Variants in DMD observed in about 807,000 individuals in gnomAD.
DMD encodes mutant dystrophin.
DMD carries 63 observed loss-of-function variants against 330.1 expected under a neutral mutation model. The observed-to-expected ratio is 0.19, with a 90% CI of 0.16 to 0.24. The LOEUF (loss-of-function observed/expected upper bound fraction) is 0.24. DMD is among the 10% of genes least tolerant of loss of function. DMD has a pLI of 1.00. For missense variants in DMD, 3,344 were observed against 2,684.1 expected (o/e 1.25, Z -5.43); for synonymous variants, 1,223 against 959.8 (o/e 1.27, Z -5.07).
At chrX:31,170,648 C>T (rs1049937007) in intron 73 of DMD, among the ~76,000 whole-genome samples, 1 of 111,403 alleles carries the variant, frequency 9.0e-6, no homozygotes, top group Non-Finnish European at 1.9e-5. Flanking sequence ...AAGCCAGTTA[C>T]CTGGTTTAGA....
At chrX:32,633,414 T>C (rs1167967888) in intron 11 of DMD, among the ~76,000 whole-genome samples, 1 of 112,148 alleles carries the variant, frequency 8.9e-6, no homozygotes, top group African/African-American at 3.2e-5. Context: ...ACTGTGCATA[T>C]CAGTATCAGC....
rs771884775 is a variant in DMD at position 32,468,675 on chromosome X, G to A, written c.2985C>T (p.Gly995=). The change falls in exon 23 of 79, where the codon GGC becomes GGT. Residue 995 remains glycine, a synonymous_variant. Transcript: ENST00000357033. ...LQSSLQEQQS[G]LYYLSTTVKE... is the part of the protein sequence containing the mutation. ...TCACAGTGGTGCTGAGATAGTATAG[G>A]CCACTTTGTTGCTCTTGCAGAGAAC... is the stretch of plus-strand genomic sequence containing the variant. 56 of 1,209,027 alleles carry A rather than the reference G, an allele frequency of 4.6e-5. No individual in the cohort carries two copies. The highest frequency in any genetic ancestry group is 6.3e-5 in the Non-Finnish European group (56 of 894,814).
intron 54 of DMD, among the ~76,000 whole-genome samples, chrX:31,643,221 C>T (rs1473688847): frequency 9.0e-6 from 1 of 111,552 alleles, no homozygotes; most frequent in African/African-American, 3.3e-5. Context: ...TTCTTTTTCA[C>T]CTTCTTATTG....
intron 78 of DMD, among the ~76,000 whole-genome samples, chrX:31,123,043 A>ATAAT (rs369376642): frequency 1.6e-4 from 16 of 100,904 alleles, no homozygotes; most frequent in African/African-American, 5.9e-4. Flanking sequence ...ACAGATTCCC[A>ATAAT]TAATAATTGT....
At position 32,507,838 on chromosome X, in the gene DMD, A is replaced by T. The variant is rs968666128; in HGVS notation, c.2293-5996T>A. Reference sequence around the variant, plus strand: ...TGTATACCATTTTATACAAGAGAAAACTGAGCATCAGTAAGATTAAATCGT... The same window carrying T: ...TGTATACCATTTTATACAAGAGAAATCTGAGCATCAGTAAGATTAAATCGT... On this transcript the variant is annotated intron_variant, in intron 18 of 78. Transcript: ENST00000357033. Among the ~76,000 whole-genome samples, 9 of 111,433 alleles carry T rather than the reference A, an allele frequency of 8.1e-5. No homozygotes were observed. In the East Asian group the frequency reaches 2.5e-3, roughly 31 times the overall value.
chrX:33,098,725 C>G (rs907119035), intron 1 of DMD, among the ~76,000 whole-genome samples: 15 of 111,818 alleles, frequency 1.3e-4, no homozygotes, highest in African/African-American at 4.5e-4. Flanking sequence ...AAAGGGTACA[C>G]TCGCCAGCAG....
chrX:32,223,486 A>G (rs1432657870), intron 43 of DMD, among the ~76,000 whole-genome samples: 1 of 111,701 alleles, frequency 9.0e-6, no homozygotes, highest in Non-Finnish European at 1.9e-5. Flanking sequence ...GTTTGGGGCT[A>G]TTACTATGCT....
chrX:32,074,271 C>T (rs2096325234), intron 44 of DMD, among the ~76,000 whole-genome samples: 1 of 111,597 alleles, frequency 9.0e-6, no homozygotes, highest in South Asian at 3.8e-4. Context: ...TTTCCCCGAA[C>T]CCTAGTGCAT....
chrX:32,648,240 C>G (rs900308537), intron 9 of DMD, among the ~76,000 whole-genome samples: 1 of 111,186 alleles, frequency 9.0e-6, no homozygotes, highest in Non-Finnish European at 1.9e-5. Flanking sequence ...TCAAAGACAG[C>G]CTTCTTAAAG....
At chrX:32,601,028 G>A (rs995433834) in intron 12 of DMD, among the ~76,000 whole-genome samples, 2 of 111,357 alleles carry the variant, frequency 1.8e-5, no homozygotes, top group East Asian at 2.8e-4. Flanking sequence ...CTTGGGAAAT[G>A]ATGGGGTGGT....
At position 32,822,041 on chromosome X, in the gene DMD, C is replaced by G. The variant is rs150332300; in HGVS notation, c.357+1254G>C. Among the ~76,000 whole-genome samples the G allele has an allele frequency of 1.5e-3, 164 of 111,423 alleles. 1 individual carries two copies. The East Asian group carries it at 0.039, about 26-fold the overall frequency. ...TAGAATGAGTACATTGATGGTCTAA[C>G]AATTACATTTCAAAAACGCTGATTT... is the stretch of plus-strand genomic sequence containing the variant. On this transcript the variant is annotated intron_variant, in intron 5 of 78. Coordinates refer to ENST00000357033, the MANE Select transcript of DMD (RefSeq NM_004006.3).
intron 55 of DMD, among the ~76,000 whole-genome samples, chrX:31,573,443 A>G (rs1178649283): frequency 9.0e-6 from 1 of 111,678 alleles, no homozygotes; most frequent in East Asian, 2.8e-4. Flanking sequence ...TAACTTCTAC[A>G]CTGGGATCTA....
chrX:31,230,159 C>T (rs2047052121), intron 63 of DMD, among the ~76,000 whole-genome samples: 1 of 111,770 alleles, frequency 8.9e-6, no homozygotes, highest in Admixed American at 9.5e-5. Context: ...TCGTAAAAAC[C>T]TCATCATCAA....
At chrX:31,903,429 T>C (rs1003113216) in intron 47 of DMD, among the ~76,000 whole-genome samples, 2 of 111,933 alleles carry the variant, frequency 1.8e-5, no homozygotes, top group African/African-American at 6.5e-5. Flanking sequence ...ATTATTCTTA[T>C]CAGTCTCTTA....
intron 66 of DMD, among the ~76,000 whole-genome samples, chrX:31,206,340 T>C (rs1442326203): frequency 8.9e-6 from 1 of 112,400 alleles, no homozygotes; most frequent in Non-Finnish European, 1.9e-5. Flanking sequence ...TCAGACACAG[T>C]CAATGTAATG....
chrX:32,584,443 T>A (rs1443243034), intron 13 of DMD, among the ~76,000 whole-genome samples: 1 of 111,863 alleles, frequency 8.9e-6, no homozygotes, highest in Non-Finnish European at 1.9e-5. Flanking sequence ...AATACAAAAG[T>A]TTACATATAT....
At chrX:31,710,201 G>A (rs893523337) in intron 52 of DMD, among the ~76,000 whole-genome samples, 3 of 111,463 alleles carry the variant, frequency 2.7e-5, no homozygotes, top group Non-Finnish European at 5.7e-5. Flanking sequence ...TGAATCTGGG[G>A]GTAACAGGTA....
chrX:32,719,895 G>A (rs949702469), intron 7 of DMD, among the ~76,000 whole-genome samples: 1 of 109,403 alleles, frequency 9.1e-6, no homozygotes, highest in Non-Finnish European at 1.9e-5. Flanking sequence ...CATATAATAC[G>A]TTGTTATCCC....
intron 60 of DMD, among the ~76,000 whole-genome samples, chrX:31,423,368 A>T (rs2178616): frequency 0.28 from 30,449 of 110,453 alleles, 5,345 homozygotes; most frequent in African/African-American, 0.64. Context: ...CAGCTTCCCA[A>T]AGCTTCTTAT....
Sources: allele counts gnomAD v4.1 joint callset (sites outside exome capture counted in the v4.1 genomes callset), GRCh38; gene constraint gnomAD v4.1.1; transcripts MANE v1.5; gene names NCBI Gene and HGNC (gene_info 2026-07-23, HGNC 2026-07-21).